COL19A1: variants seen among roughly 807,000 people sequenced by gnomAD.
COL19A1 encodes the protein collagen type XIX alpha 1 chain.
COL19A1 carries 159 observed loss-of-function variants against 190.2 expected under a neutral mutation model. The observed-to-expected ratio is 0.84, with a 90% CI of 0.73 to 0.95. The LOEUF (loss-of-function observed/expected upper bound fraction) is 0.95, where lower values mean the gene tolerates loss of function less well. Ranked by LOEUF, COL19A1 falls within the 40% of genes least tolerant of loss-of-function variation. The pLI is 0.00. For synonymous variants in COL19A1, 509 were observed against 458.9 expected (o/e 1.11, Z -1.39); for missense variants, 1,418 against 1,431.9 (o/e 0.99, Z 0.16).
intron 48 of COL19A1, among the ~76,000 whole-genome samples, chr6:70,193,969 T>C (rs1205804944): frequency 6.6e-6 from 1 of 152,230 alleles, no homozygotes; most frequent in African/African-American, 2.4e-5. Flanking sequence ...AAAGATTAAT[T>C]TTCACATGTT....
At chr6:70,139,924 C>CTTT (rs56675325) in intron 19 of COL19A1, among the ~76,000 whole-genome samples, 1 of 143,872 alleles carries the variant, frequency 7.0e-6, no homozygotes. Context: ...GGGTTTTTCT[C>CTTT]TTTTTTTTTT....
chr6:70,032,653 A>G (rs1344719398), intron 12 of COL19A1, among the ~76,000 whole-genome samples: 1 of 152,256 alleles, frequency 6.6e-6, no homozygotes, highest in East Asian at 1.9e-4. Context: ...TCTTATACTA[A>G]ATATTGTAAA....
At chr6:70,032,075 G>A (rs1334960910) in intron 12 of COL19A1, among the ~76,000 whole-genome samples, 1 of 152,100 alleles carries the variant, frequency 6.6e-6, no homozygotes, top group Admixed American at 6.6e-5. Flanking sequence ...ATGAGTAGAG[G>A]GAGGGATGTC....
intron 20 of COL19A1, among the ~76,000 whole-genome samples, chr6:70,141,503 A>G (rs1786247117): frequency 6.6e-6 from 1 of 152,090 alleles, no homozygotes; most frequent in Non-Finnish European, 1.5e-5. Context: ...AACTAAAAGT[A>G]GAATCACCAA....
rs550510657 is a variant in COL19A1, at chr6:69,955,421, G to C, written c.937-4575G>C. The stretch of plus-strand genomic sequence containing the variant: ...CATCCCTTTGACAGGAAAACTTAAG[G>C]ATTGTAGTTGACTACAAATGTAGCA... On this transcript the variant is annotated intron_variant, in intron 9 of 50. Coordinates refer to ENST00000620364, the MANE Select transcript of COL19A1 (RefSeq NM_001858.6). 2.6e-5 allele frequency among the ~76,000 whole-genome samples: 4 copies of C among 152,022 alleles called. No homozygotes were observed. The South Asian group carries it at 8.3e-4, about 32-fold the overall frequency.
At chr6:69,882,057 G>C (rs181551986) in intron 2 of COL19A1, among the ~76,000 whole-genome samples, 1 of 152,176 alleles carries the variant, frequency 6.6e-6, no homozygotes, top group African/African-American at 2.4e-5. Context: ...AAATCTGAGA[G>C]AGAGTCTAGG....
chr6:70,123,400 C>T lies in COL19A1; in HGVS notation c.1341+1458C>T, dbSNP rs543331661. On this transcript the variant is annotated intron_variant, in intron 17 of 50. Coordinates refer to ENST00000620364, the MANE Select transcript of COL19A1 (RefSeq NM_001858.6). ...TCAACCATTGTGGAAGTCAGTGTGG[C>T]GATTCCTCAGGGATCTAGAACTAGA... 2.6e-3 allele frequency among the ~76,000 whole-genome samples: 394 copies of T among 151,774 alleles called. 2 individuals are homozygous for T. Among genetic ancestry groups the T allele is most frequent in the African/African-American group, 8.7e-3 (361 of 41,296 alleles).
intron 48 of COL19A1, among the ~76,000 whole-genome samples, chr6:70,197,677 G>A (rs1202540868): frequency 1.3e-5 from 2 of 152,068 alleles, no homozygotes; most frequent in African/African-American, 4.8e-5. Context: ...CACATCCCAG[G>A]TAGATAGTGA....
intron 11 of COL19A1, among the ~76,000 whole-genome samples, chr6:69,976,927 G>A (rs563199243): frequency 6.6e-6 from 1 of 152,224 alleles, no homozygotes; most frequent in African/African-American, 2.4e-5. Flanking sequence ...AAAGCTTGAG[G>A]GAATCCTCTT....
chr6:70,180,087 C>T (rs747816098), intron 42 of COL19A1, among the ~76,000 whole-genome samples: 3 of 152,032 alleles, frequency 2.0e-5, no homozygotes, highest in African/African-American at 2.4e-5. Flanking sequence ...GGTTTCGCCA[C>T]GTTGGCCAGG....
Position 70,147,398 on chromosome 6 carries a change from G to C in COL19A1, c.1893+509G>C, listed in dbSNP as rs540012058. ...TTAAAGTATTTAAACTATAAGGACAGAGCCTAGAACAGCCCCTATTAATAA... is the reference window on the plus strand; with the variant it reads ...TTAAAGTATTTAAACTATAAGGACACAGCCTAGAACAGCCCCTATTAATAA... On this transcript the variant is annotated intron_variant, in intron 27 of 50. Coordinates refer to ENST00000620364, the MANE Select transcript of COL19A1 (RefSeq NM_001858.6). 3.3e-5 allele frequency among the ~76,000 whole-genome samples: 5 copies of C among 152,102 alleles called. No homozygotes were observed. The East Asian group carries it at 9.6e-4, about 29-fold the overall frequency.
chr6:70,170,570 GTTGATTGA>G (rs1296664324), intron 40 of COL19A1, among the ~76,000 whole-genome samples: 1 of 151,920 alleles, frequency 6.6e-6, no homozygotes, highest in Non-Finnish European at 1.5e-5. Context: ...TTCAACAAAT[GTTGATTGA>G]TTGAGCACCT....
chr6:69,938,072 C>T lies in COL19A1; in HGVS notation c.908C>T (p.Pro303Leu). The T allele has an allele frequency of 6.2e-7, 1 of 1,612,608 alleles. No individual in the cohort carries two copies. The highest frequency in any genetic ancestry group is 8.5e-7 in the Non-Finnish European group (1 of 1,179,142). The change falls in exon 9 of 51, where the codon CCT becomes CTT. Residue 303 changes from proline (P) to leucine (L), a missense_variant. By Grantham distance (98) the Pro-to-Leu change is moderately conservative (BLOSUM62 -3). Transcript: ENST00000620364. ...EAGLPGAPGS[P>L]GQKGHKGEPG... Reference sequence around the variant, plus strand: ...GGATTACCAGGAGCTCCGGGTTCACCTGGGCAGAAAGGGCATAAAGGAGAG... The same window carrying T: ...GGATTACCAGGAGCTCCGGGTTCACTTGGGCAGAAAGGGCATAAAGGAGAG...
At chr6:70,026,872 ACT>A (rs1402680556) in intron 12 of COL19A1, among the ~76,000 whole-genome samples, 1 of 152,054 alleles carries the variant, frequency 6.6e-6, no homozygotes, top group African/African-American at 2.4e-5. Context: ...TTGGCCTTTA[ACT>A]CTAAATATTT....
intron 48 of COL19A1, 121 bp from the exon 49 acceptor site, chr6:70,199,487 A>G: frequency 1.3e-6 from 1 of 770,932 alleles, no homozygotes; most frequent in Non-Finnish European, 1.8e-6. Flanking sequence ...CAGTTGGTAA[A>G]TTAGATGTGC....
intron 16 of COL19A1, among the ~76,000 whole-genome samples, chr6:70,103,188 G>T (rs1321259907): frequency 6.6e-6 from 1 of 152,104 alleles, no homozygotes; most frequent in Non-Finnish European, 1.5e-5. Flanking sequence ...AATAATCCTA[G>T]ATTTTTTTGT....
At chr6:70,150,125 T>C in intron 30 of COL19A1, 80 bp downstream of exon 30, 2 of 1,399,720 alleles carry the variant, frequency 1.4e-6, no homozygotes, top group Non-Finnish European at 2.0e-6. Flanking sequence ...AGTTTTGCTG[T>C]CCAAACTAAT....
At chr6:70,188,587 A>T (rs901698503) in intron 47 of COL19A1, among the ~76,000 whole-genome samples, 1 of 152,152 alleles carries the variant, frequency 6.6e-6, no homozygotes, top group Admixed American at 6.5e-5. Context: ...CTTTTAACAT[A>T]CAGGTACTGT....
intron 15 of COL19A1, among the ~76,000 whole-genome samples, chr6:70,101,340 A>C (rs1287242113): frequency 1.3e-5 from 2 of 152,138 alleles, no homozygotes; most frequent in Non-Finnish European, 2.9e-5. Context: ...AAAAATAAAA[A>C]ATGTTTAAGA....
Sources: gnomAD v4.1 joint callset for allele counts (sites outside exome capture counted in the v4.1 genomes callset) on GRCh38, gnomAD v4.1.1 for gene constraint, MANE v1.5 for transcripts, NCBI Gene and HGNC (gene_info 2026-07-23, HGNC 2026-07-21) for gene names.